Variants in ADAM18 observed in about 807,000 individuals in gnomAD.
ADAM18 encodes disintegrin and metalloproteinase domain-containing protein 18.
ADAM18 carries 117 observed loss-of-function variants against 94.4 expected under a neutral mutation model. The ratio of observed to expected loss-of-function variants is 1.24; its 90% CI spans 1.07 to 1.45. The LOEUF is 1.45. Ranked by LOEUF, ADAM18 falls within the 40% of genes most tolerant of loss-of-function variation. The pLI is 0.00. For missense variants in ADAM18, 936 were observed against 880.0 expected, an observed-to-expected ratio of 1.06 and a Z score of -0.81; for synonymous variants, 327 against 291.6, an observed-to-expected ratio of 1.12 and a Z score of -1.24.
intron 17 of ADAM18, among the ~76,000 whole-genome samples, chr8:39,702,337 G>T (rs574799556): frequency 2.3e-4 from 35 of 151,656 alleles, no homozygotes; most frequent in East Asian, 2.1e-3. Context: ...TTTTAATGGG[G>T]TTTTTTTTCT....
intron 19 of ADAM18, among the ~76,000 whole-genome samples, chr8:39,724,634 T>C (rs753629008): frequency 3.9e-5 from 6 of 151,920 alleles, no homozygotes; most frequent in Non-Finnish European, 5.9e-5. Context: ...TTTCTAGTAG[T>C]TGTAAGGCCA....
At chr8:39,718,632 GT>G (rs1563319874) in intron 18 of ADAM18, among the ~76,000 whole-genome samples, 1 of 151,408 alleles carries the variant, frequency 6.6e-6, no homozygotes, top group Non-Finnish European at 1.5e-5. Flanking sequence ...GAGATCTGCT[GT>G]ACAACATTGT....
intron 13 of ADAM18, among the ~76,000 whole-genome samples, chr8:39,667,308 A>T (rs1821016940): frequency 6.6e-6 from 1 of 151,292 alleles, no homozygotes; most frequent in Non-Finnish European, 1.5e-5. Context: ...AGGCTGAGGC[A>T]GGAGAATTGC....
intron 18 of ADAM18, among the ~76,000 whole-genome samples, chr8:39,710,876 A>T (rs1292068827): frequency 2.0e-5 from 3 of 152,218 alleles, no homozygotes; most frequent in African/African-American, 7.2e-5. Flanking sequence ...TGGAAAATTT[A>T]GAATGCCATA....
At chr8:39,598,902 C>A (rs1818820827) in intron 2 of ADAM18, among the ~76,000 whole-genome samples, 1 of 152,078 alleles carries the variant, frequency 6.6e-6, no homozygotes, top group Non-Finnish European at 1.5e-5. Flanking sequence ...ACCATCACCT[C>A]CTGGGTTCAA....
chr8:39,677,572 T>C lies in ADAM18; in HGVS notation c.1631+36T>C. ...AGAAAATGATTGCTTCTTTGAATCA[T>C]AAAAATTATGTATTTTTATCAAGAG... On this transcript the variant is annotated intron_variant, in intron 15 of 19. Transcript: ENST00000265707. 2.0e-6 allele frequency: 3 copies of C among 1,474,434 alleles called. No homozygotes were observed. In the South Asian group the frequency reaches 3.7e-5, roughly 18 times the overall value. 91.3% of individuals were successfully genotyped at this position (1,474,434 alleles called of 1,614,324 possible).
intron 10 of ADAM18, among the ~76,000 whole-genome samples, chr8:39,642,686 C>G (rs374832021): frequency 4.0e-4 from 60 of 151,750 alleles, no homozygotes; most frequent in African/African-American, 1.3e-3. Context: ...AGTCAGGTAG[C>G]AACCATGATG....
At chr8:39,616,153 C>T (rs1819432184) in intron 6 of ADAM18, among the ~76,000 whole-genome samples, 1 of 152,102 alleles carries the variant, frequency 6.6e-6, no homozygotes. Flanking sequence ...CCTGTAATCT[C>T]AGCACTTTGG....
chr8:39,677,595 G>T, intron 15 of ADAM18, 59 bp downstream of exon 15: 3 of 1,272,762 alleles, frequency 2.4e-6, no homozygotes, highest in Non-Finnish European at 3.3e-6. Flanking sequence ...TTTTTATCAA[G>T]AGACACTAAG....
intron 17 of ADAM18, among the ~76,000 whole-genome samples, chr8:39,701,328 T>C (rs1011217574): frequency 3.3e-5 from 5 of 151,712 alleles, no homozygotes; most frequent in Non-Finnish European, 5.9e-5. Flanking sequence ...TATGTATTGT[T>C]CTATTTCCTA....
intron 14 of ADAM18, among the ~76,000 whole-genome samples, chr8:39,676,061 C>T (rs558050779): frequency 6.6e-6 from 1 of 152,308 alleles, no homozygotes; most frequent in Non-Finnish European, 1.5e-5. Flanking sequence ...TGTCTGTTGG[C>T]CCCTTCTGGG....
intron 12 of ADAM18, among the ~76,000 whole-genome samples, chr8:39,651,383 C>T (rs1820530820): frequency 6.6e-6 from 1 of 152,162 alleles, no homozygotes; most frequent in African/African-American, 2.4e-5. Flanking sequence ...CTTTGCCTTC[C>T]CACGAGGCCA....
In ADAM18 at chr8:39,606,307, AT is replaced by A; in HGVS notation, c.134del (p.Met45ArgfsTer45). ...SNDSEVSERKMIYIITIDGQP... is the reference protein window; with the variant it reads ...SNDSEVSERKXIYIITIDGQP... Reference sequence around the variant, plus strand: ...TCTTTACTGATGTGTTTTATTTTAGATGATTTACATCATTACAATTGATGGA... The same window carrying A: ...TCTTTACTGATGTGTTTTATTTTAGAGATTTACATCATTACAATTGATGGA... On this transcript the variant is annotated frameshift_variant and splice_region_variant, in exon 3 of 20. Transcript: ENST00000265707. LOFTEE classifies it high-confidence loss of function. 1 of 1,522,220 alleles carries A rather than the reference AT, an allele frequency of 6.6e-7. No individual in the cohort carries two copies. The allele number at this position is 1,522,220 out of a possible 1,614,324, so 94.3% of individuals were successfully genotyped here. A position where few individuals can be genotyped will look rare whatever the true frequency, so the allele number is the denominator to read the frequency against.
rs1486119401 is a variant in ADAM18, at chr8:39,637,598, AC to A, written c.724del (p.Gln242ArgfsTer30). ...TCCTTGGAATTGTGGTCAAATGAAA[AC>A]CAGATTTCCACCAGTGGGGATGCTG... The part of the protein sequence containing the change: ...LSSLELWSNE[N>X]QISTSGDADD... On this transcript the variant is annotated frameshift_variant, in exon 9 of 20. Coordinates refer to ENST00000265707, the MANE Select transcript of ADAM18 (RefSeq NM_014237.3). LOFTEE classifies it high-confidence loss of function. 2 of 1,612,872 alleles carry A rather than the reference AC, an allele frequency of 1.2e-6. No individual in the cohort carries two copies. Among genetic ancestry groups the A allele is most frequent in the Admixed American group, 1.7e-5 (1 of 59,824 alleles).
chr8:39,606,367 GAT>G lies in ADAM18; in HGVS notation c.188+8_188+9del, dbSNP rs762843001. ...CACTCTACATCTCGGAAAACAGTAA[GAT>G]ATGATTTTTTTTTCATTAAGGAAAA... On this transcript the variant is annotated splice_donor_region_variant and intron_variant, in intron 3 of 19. Transcript: ENST00000265707. 48 of 1,534,546 alleles carry G rather than the reference GAT, an allele frequency of 3.1e-5. No individual in the cohort carries two copies. Among genetic ancestry groups the G allele is most frequent in the Non-Finnish European group, 4.2e-5 (48 of 1,132,380 alleles).
chr8:39,604,425 A>G (rs948318265), intron 2 of ADAM18, among the ~76,000 whole-genome samples: 1 of 152,058 alleles, frequency 6.6e-6, no homozygotes, highest in Non-Finnish European at 1.5e-5. Context: ...ACAGTTTTGT[A>G]TATGTGTTCG....
intron 10 of ADAM18, among the ~76,000 whole-genome samples, chr8:39,643,385 G>A (rs1487113472): frequency 6.6e-6 from 1 of 152,002 alleles, no homozygotes; most frequent in Non-Finnish European, 1.5e-5. Context: ...CTTTTGCACT[G>A]TTCTGATGAC....
intron 18 of ADAM18, among the ~76,000 whole-genome samples, chr8:39,711,452 CA>C (rs1304033676): frequency 6.6e-6 from 1 of 152,004 alleles, no homozygotes; most frequent in African/African-American, 2.4e-5. Context: ...ATCAGACTTA[CA>C]ACGGCTTTAA....
chr8:39,592,893 C>T (rs1211575419), intron 2 of ADAM18, among the ~76,000 whole-genome samples: 1 of 152,140 alleles, frequency 6.6e-6, no homozygotes, highest in Non-Finnish European at 1.5e-5. Flanking sequence ...TAGCTGAGTC[C>T]TAGATGGTGT....
Sources: gnomAD v4.1 joint callset for allele counts (sites outside exome capture counted in the v4.1 genomes callset) on GRCh38, gnomAD v4.1.1 for gene constraint, MANE v1.5 for transcripts, NCBI Gene and HGNC (gene_info 2026-07-23, HGNC 2026-07-21) for gene names.